Variants in TMEM132B observed in about 807,000 individuals in gnomAD.
The protein encoded by TMEM132B is transmembrane protein 132B.
In TMEM132B, 18 loss-of-function variants were observed where a neutral mutation model predicts 90.8. The observed-to-expected ratio is 0.20, with a 90% CI of 0.14 to 0.29. TMEM132B has a LOEUF of 0.29. Ranked by LOEUF, TMEM132B falls within the 10% of genes least tolerant of loss-of-function variation. The probability of loss-of-function intolerance (pLI) is 1.00; values close to 1 mark genes in which losing one functional copy is unlikely to be tolerated. For missense variants in TMEM132B, 1,096 were observed against 1,326.8 expected, an observed-to-expected ratio of 0.83 and a Z score of 2.70; for synonymous variants, 504 against 523.3, an observed-to-expected ratio of 0.96 and a Z score of 0.50.
At chr12:125,467,406 C>T (rs1881592486) in intron 3 of TMEM132B, among the ~76,000 whole-genome samples, 1 of 152,074 alleles carries the variant, frequency 6.6e-6, no homozygotes, top group Non-Finnish European at 1.5e-5. Flanking sequence ...TCCTTTTTCT[C>T]CTCTTCCTCA....
chr12:125,433,282 G>A (rs1351386145), intron 3 of TMEM132B, among the ~76,000 whole-genome samples: 3 of 152,142 alleles, frequency 2.0e-5, no homozygotes. Flanking sequence ...TGCTTGTAAA[G>A]GTATTGGCTG....
chr12:125,604,016 ATC>A (rs1250031173), intron 5 of TMEM132B, among the ~76,000 whole-genome samples: 11 of 152,356 alleles, frequency 7.2e-5, no homozygotes, highest in African/African-American at 2.6e-4. Context: ...AATTAGTTCA[ATC>A]ATTGTGGAAG....
chr12:125,304,954 T>C (rs1466082626), intron 1 of TMEM132B, among the ~76,000 whole-genome samples: 1 of 152,224 alleles, frequency 6.6e-6, no homozygotes, highest in Non-Finnish European at 1.5e-5. Context: ...GAGGTCATTG[T>C]TCTCTCTGGT....
intron 1 of TMEM132B, among the ~76,000 whole-genome samples, chr12:125,266,165 G>A (rs1874690157): frequency 6.6e-6 from 1 of 152,184 alleles, no homozygotes; most frequent in South Asian, 2.1e-4. Flanking sequence ...GGAGGTGGAG[G>A]TCTGGGTGAG....
At chr12:125,526,999 CA>C in intron 4 of TMEM132B, among the ~76,000 whole-genome samples, 1 of 150,242 alleles carries the variant, frequency 6.7e-6, no homozygotes, top group Non-Finnish European at 1.5e-5. Flanking sequence ...CCCTTCTATC[CA>C]ATCATTTACC....
chr12:125,532,886 A>G (rs1262098082), intron 4 of TMEM132B, among the ~76,000 whole-genome samples: 1 of 152,152 alleles, frequency 6.6e-6, no homozygotes, highest in Non-Finnish European at 1.5e-5. Context: ...GAACTAGATT[A>G]TGTATCACAG....
At chr12:125,533,452 A>G (rs1268843631) in intron 4 of TMEM132B, among the ~76,000 whole-genome samples, 2 of 152,244 alleles carry the variant, frequency 1.3e-5, no homozygotes, top group African/African-American at 4.8e-5. Context: ...CCCGCCTGAG[A>G]CAAACAGCGA....
intron 2 of TMEM132B, among the ~76,000 whole-genome samples, chr12:125,381,610 G>A (rs1878684538): frequency 6.6e-6 from 1 of 152,242 alleles, no homozygotes. Context: ...GTCCATTCCA[G>A]TGGTTCTGAA....
Position 125,253,549 on chromosome 12 carries a change from C to T in TMEM132B, c.67+66683C>T, listed in dbSNP as rs184652726. Among the ~76,000 whole-genome samples, 360 of 151,964 alleles carry T rather than the reference C, an allele frequency of 2.4e-3. 1 individual carries two copies. Among genetic ancestry groups the T allele is most frequent in the Admixed American group, 5.2e-3 (79 of 15,258 alleles). ...TCCCAGGCTCAAGCAGTCCTCCCAC[C>T]TCACCCTTCCTAGTAGCTGAGACTA... On this transcript the variant is annotated intron_variant, in intron 1 of 8. Coordinates refer to ENST00000682704, the MANE Select transcript of TMEM132B (RefSeq NM_001366854.1).
At chr12:125,369,657 A>G (rs1878235928) in intron 2 of TMEM132B, among the ~76,000 whole-genome samples, 1 of 152,246 alleles carries the variant, frequency 6.6e-6, no homozygotes, top group Admixed American at 6.5e-5. Flanking sequence ...TGAAAACCAC[A>G]GAAAGTCAGC....
Position 125,317,822 on chromosome 12 carries a change from G to C in TMEM132B, c.68-31630G>C, listed in dbSNP as rs74811822. Among the ~76,000 whole-genome samples, 3 of 152,066 alleles carry C rather than the reference G, an allele frequency of 2.0e-5. No individual in the cohort carries two copies. The East Asian group carries it at 5.8e-4, about 29-fold the overall frequency. On this transcript the variant is annotated intron_variant, in intron 1 of 8. Coordinates refer to ENST00000682704, the MANE Select transcript of TMEM132B (RefSeq NM_001366854.1). ...TCTCTTCATCATCTTTCTCTGTAAG[G>C]GTGTTTTTTCCCCTTAAACAACTCA...
intron 1 of TMEM132B, among the ~76,000 whole-genome samples, chr12:125,312,004 A>G (rs1292607748): frequency 6.6e-6 from 1 of 152,206 alleles, no homozygotes; most frequent in Non-Finnish European, 1.5e-5. Context: ...TCTCCAGTGC[A>G]GTAATAGGGA....
intron 3 of TMEM132B, among the ~76,000 whole-genome samples, chr12:125,425,029 G>A (rs1880275653): frequency 6.6e-6 from 1 of 152,054 alleles, no homozygotes; most frequent in African/African-American, 2.4e-5. Context: ...TGCGAGTCCA[G>A]CACGGATGGG....
intron 3 of TMEM132B, among the ~76,000 whole-genome samples, chr12:125,419,824 A>G (rs1410117258): frequency 1.4e-4 from 21 of 152,216 alleles, no homozygotes; most frequent in Admixed American, 1.4e-3. Context: ...TCCTAGATAC[A>G]ATGAGGGTAT....
chr12:125,532,483 A>G (rs1592978589), intron 4 of TMEM132B, among the ~76,000 whole-genome samples: 1 of 151,278 alleles, frequency 6.6e-6, no homozygotes, highest in African/African-American at 2.4e-5. Context: ...CTATTTTACA[A>G]CCCCTTAAAG....
At chr12:125,590,351 C>T (rs182925722) in intron 5 of TMEM132B, among the ~76,000 whole-genome samples, 1 of 152,182 alleles carries the variant, frequency 6.6e-6, no homozygotes, top group Non-Finnish European at 1.5e-5. Flanking sequence ...TTTTCCCAGT[C>T]CTAAGCACTG....
intron 1 of TMEM132B, among the ~76,000 whole-genome samples, chr12:125,340,267 C>T (rs1377571835): frequency 2.6e-5 from 4 of 152,046 alleles, no homozygotes; most frequent in African/African-American, 9.7e-5. Flanking sequence ...ACAAAGCATT[C>T]GAATTCAATT....
At chr12:125,607,406 G>A (rs1268074517) in intron 5 of TMEM132B, among the ~76,000 whole-genome samples, 1 of 152,178 alleles carries the variant, frequency 6.6e-6, no homozygotes, top group Non-Finnish European at 1.5e-5. Flanking sequence ...TGATTAGTTT[G>A]CTTTATCTGA....
intron 2 of TMEM132B, among the ~76,000 whole-genome samples, chr12:125,391,040 AGTGT>A (rs57083034): frequency 0.03 from 2,526 of 84,852 alleles, 28 homozygotes; most frequent in South Asian, 0.049. Flanking sequence ...ACTAAAGAAT[AGTGT>A]GTGTGTGTGT....
Sources: gnomAD v4.1 joint callset for allele counts (sites outside exome capture counted in the v4.1 genomes callset) on GRCh38, gnomAD v4.1.1 for gene constraint, MANE v1.5 for transcripts, NCBI Gene and HGNC (gene_info 2026-07-23, HGNC 2026-07-21) for gene names.